Variants in PSMA8 observed in about 807,000 individuals in gnomAD.
PSMA8 encodes proteasome subunit alpha-type 8.
PSMA8 carries 18 observed loss-of-function variants against 32.4 expected under a neutral mutation model. That is an observed-to-expected ratio of 0.56 (90% CI 0.38 to 0.82). The LOEUF (loss-of-function observed/expected upper bound fraction) is 0.82. PSMA8 is among the 40% of genes least tolerant of loss of function. The probability of loss-of-function intolerance (pLI) is 0.00; values close to 1 mark genes in which losing one functional copy is unlikely to be tolerated. For missense variants in PSMA8, 298 were observed against 300.7 expected (o/e 0.99, Z 0.07); for synonymous variants, 104 against 98.1 (o/e 1.06, Z -0.36).
intron 4 of PSMA8, among the ~76,000 whole-genome samples, chr18:26,160,044 G>A (rs1375652958): frequency 6.6e-6 from 1 of 152,120 alleles, no homozygotes; most frequent in Admixed American, 6.6e-5. Context: ...GCTCACTTCT[G>A]TAGTCCCAGC....
At chr18:26,135,765 G>A (rs1358161080) in intron 1 of PSMA8, among the ~76,000 whole-genome samples, 1 of 152,160 alleles carries the variant, frequency 6.6e-6, no homozygotes, top group Non-Finnish European at 1.5e-5. Context: ...TAAGAGTGCT[G>A]TAGAACTGAT....
Position 26,133,951 on chromosome 18 carries a change from T to C in PSMA8, c.-15T>C. On this transcript the variant is annotated 5_prime_UTR_variant, in exon 1 of 7. Transcript: ENST00000415576. ...CAGCGGGAAGCTCGGTGGCAAGCCC[T>C]TGTAGTCCTGTGCGATGGCGTCTCG... 6.2e-7 allele frequency: 1 copy of C among 1,607,622 alleles called. No individual in the cohort carries two copies. The highest frequency in any genetic ancestry group is 8.5e-7 in the Non-Finnish European group (1 of 1,174,192).
At chr18:26,181,940 C>A (rs1029144142) in intron 6 of PSMA8, among the ~76,000 whole-genome samples, 18 of 148,360 alleles carry the variant, frequency 1.2e-4, no homozygotes, top group African/African-American at 2.2e-4. Context: ...AAAAAAAAAA[C>A]CAGTCTTGTT....
chr18:26,139,323 C>T (rs1368236971), intron 1 of PSMA8, among the ~76,000 whole-genome samples: 5 of 152,146 alleles, frequency 3.3e-5, no homozygotes, highest in African/African-American at 1.2e-4. Context: ...AGTCCAACAA[C>T]CCAGGGGAAC....
chr18:26,165,395 G>C (rs1312837410), intron 4 of PSMA8, among the ~76,000 whole-genome samples: 1 of 152,218 alleles, frequency 6.6e-6, no homozygotes, highest in African/African-American at 2.4e-5. Context: ...CAAGCAAAGA[G>C]TGCGGTGTTA....
At chr18:26,164,401 T>C (rs2055161690) in intron 4 of PSMA8, among the ~76,000 whole-genome samples, 1 of 152,246 alleles carries the variant, frequency 6.6e-6, no homozygotes, top group African/African-American at 2.4e-5. Flanking sequence ...CACATATTAC[T>C]TGTTAATCAC....
intron 4 of PSMA8, among the ~76,000 whole-genome samples, chr18:26,170,270 C>T (rs1387775520): frequency 7.7e-6 from 1 of 130,656 alleles, no homozygotes; most frequent in Non-Finnish European, 1.5e-5. Flanking sequence ...CATCACTGGA[C>T]TTCCAGGTTG....
chr18:26,166,861 A>G (rs1282742256), intron 4 of PSMA8, among the ~76,000 whole-genome samples: 1 of 152,234 alleles, frequency 6.6e-6, no homozygotes, highest in East Asian at 1.9e-4. Context: ...AATTTTGGAA[A>G]ACATGTATTT....
chr18:26,158,815 G>A (rs2055111672), intron 4 of PSMA8, among the ~76,000 whole-genome samples: 1 of 152,162 alleles, frequency 6.6e-6, no homozygotes, highest in East Asian at 1.9e-4. Context: ...CAATACAAAA[G>A]TATAGGGCTC....
At chr18:26,143,937 G>T (rs955569335) in intron 1 of PSMA8, among the ~76,000 whole-genome samples, 1 of 152,046 alleles carries the variant, frequency 6.6e-6, no homozygotes, top group South Asian at 2.1e-4. Flanking sequence ...GGCCAGGCTG[G>T]TCTCGAACTC....
Position 26,178,808 on chromosome 18 carries a change from AAATT to A in PSMA8, c.478-19_478-16del. 6.2e-7 allele frequency: 1 copy of A among 1,601,860 alleles called. No individual in the cohort carries two copies. The highest frequency in any genetic ancestry group is 1.1e-5 in the South Asian group (1 of 88,220). ...TCATTCCTACTGCAATGATATTAAT[AAATT>A]AACTTTTATTTTTCAAGGCAAATGC... On this transcript the variant is annotated intron_variant, in intron 4 of 6. Coordinates refer to ENST00000415576, the MANE Select transcript of PSMA8 (RefSeq NM_001025096.2).
At chr18:26,177,929 CT>C (rs1389625094) in intron 4 of PSMA8, among the ~76,000 whole-genome samples, 1 of 152,144 alleles carries the variant, frequency 6.6e-6, no homozygotes, top group Non-Finnish European at 1.5e-5. Flanking sequence ...AAAATCTTTT[CT>C]GAGCCAGTCA....
intron 1 of PSMA8, among the ~76,000 whole-genome samples, chr18:26,143,783 G>A (rs1338532416): frequency 2.0e-5 from 3 of 151,766 alleles, no homozygotes; most frequent in Admixed American, 6.6e-5. Flanking sequence ...GTGCAGTGGC[G>A]CAATCTCTGC....
chr18:26,160,920 A>G (rs2055130391), intron 4 of PSMA8, among the ~76,000 whole-genome samples: 1 of 152,150 alleles, frequency 6.6e-6, no homozygotes. Flanking sequence ...CCATTAAGTT[A>G]TTTCATTTTA....
chr18:26,152,693 T>G (rs62087798), intron 3 of PSMA8, among the ~76,000 whole-genome samples: 2,986 of 152,306 alleles, frequency 0.02, 48 homozygotes, highest in Non-Finnish European at 0.033. Flanking sequence ...GGTTAGAAAC[T>G]TAATCCCTGA....
intron 1 of PSMA8, among the ~76,000 whole-genome samples, chr18:26,137,559 TAAC>T (rs1420852396): frequency 2.0e-5 from 3 of 152,252 alleles, no homozygotes; most frequent in African/African-American, 7.2e-5. Context: ...AGAAAGTACT[TAAC>T]AAATTGTAGT....
intron 1 of PSMA8, among the ~76,000 whole-genome samples, chr18:26,142,215 AT>A: frequency 6.6e-6 from 1 of 151,542 alleles, no homozygotes. Context: ...GATTTTTTGT[AT>A]TTTTAGTAGA....
chr18:26,188,281 T>C (rs1405674984), intron 6 of PSMA8, among the ~76,000 whole-genome samples: 2 of 148,008 alleles, frequency 1.4e-5, no homozygotes, highest in Non-Finnish European at 3.0e-5. Flanking sequence ...TGGAATACAG[T>C]GAAAGCATTA....
intron 4 of PSMA8, among the ~76,000 whole-genome samples, chr18:26,163,484 T>C (rs963360735): frequency 6.6e-6 from 1 of 152,038 alleles, no homozygotes; most frequent in Admixed American, 6.6e-5. Flanking sequence ...AAATAGCAAC[T>C]AGGCTATTAT....
Sources: allele counts gnomAD v4.1 joint callset (sites outside exome capture counted in the v4.1 genomes callset), GRCh38; gene constraint gnomAD v4.1.1; transcripts MANE v1.5; gene names NCBI Gene and HGNC (gene_info 2026-07-23, HGNC 2026-07-21).